TMEM272: variants seen among roughly 807,000 people sequenced by gnomAD.
TMEM272 encodes long intergenic non-protein coding RNA 282.
A neutral mutation model predicts 3.7 loss-of-function variants in TMEM272; 8 were observed. That is an observed-to-expected ratio of 2.17 (90% CI 1.27 to 3.91). The LOEUF (loss-of-function observed/expected upper bound fraction) is 3.91. TMEM272 is among the 30% of genes most tolerant of loss of function. TMEM272 has a pLI of 0.00. For synonymous variants in TMEM272, 63 were observed against 39.8 expected, an observed-to-expected ratio of 1.58 and a Z score of -2.20; for missense variants, 166 against 91.5, an observed-to-expected ratio of 1.81 and a Z score of -3.32.
At chr13:51,847,415 G>C (rs566435263), upstream of TMEM272, among the ~76,000 whole-genome samples, 1 of 152,282 alleles carries the variant, frequency 6.6e-6, no homozygotes, top group South Asian at 2.1e-4. Context: ...ATGATCTGAG[G>C]TTGAACGGTT....
intron 1 of TMEM272, among the ~76,000 whole-genome samples, chr13:51,839,937 A>G: frequency 6.6e-6 from 1 of 152,334 alleles, no homozygotes; most frequent in East Asian, 1.9e-4. Flanking sequence ...GCTTTATGTC[A>G]ACAGGACCTT....
At chr13:51,905,434 G>A in the TMEM272 span, among the ~76,000 whole-genome samples, 1 of 152,202 alleles carries the variant, frequency 6.6e-6, no homozygotes, top group Non-Finnish European at 1.5e-5. Context: ...CTCTCATTTG[G>A]AGAGCACCTT....
chr13:51,865,281 G>A, the TMEM272 span: 28 of 960,982 alleles, frequency 2.9e-5, 1 homozygote, highest in South Asian at 1.7e-4. Flanking sequence ...ACCAAGGGCC[G>A]TCCCCTGGCA....
chr13:51,933,053 A>G, the TMEM272 span: 1 of 152,354 alleles, frequency 6.6e-6, no homozygotes, highest in South Asian at 2.1e-4. Flanking sequence ...AACTATATGT[A>G]AAAAGTGAAA....
At chr13:51,926,787 A>G in the TMEM272 span, among the ~76,000 whole-genome samples, 1 of 152,220 alleles carries the variant, frequency 6.6e-6, no homozygotes, top group East Asian at 1.9e-4. Flanking sequence ...CAGTGATAGC[A>G]TAAGTAACAT....
rs977506165 is a variant in TMEM272 at position 51,816,964 on chromosome 13, G to C, written c.351C>G (p.Leu117=). 3 of 702,974 alleles carry C rather than the reference G, an allele frequency of 4.3e-6. No homozygotes were observed. The highest frequency in any genetic ancestry group is 3.5e-5 in the African/African-American group (2 of 57,272). 43.5% of individuals were successfully genotyped at this position (702,974 alleles called of 1,614,324 possible). A position where few individuals can be genotyped will look rare whatever the true frequency, so the allele number is the denominator to read the frequency against. The change falls in exon 5 of 5, where the codon CTC becomes CTG. Residue 117 remains leucine (L), a synonymous_variant. Coordinates refer to ENST00000629372, the MANE Select transcript of TMEM272 (RefSeq NM_001351003.2). ...CCCAGTAGTTTCCCAGGATGAACCAGAGGAAGAGGAAGAGGCTCAGCAGGA... is the reference window on the plus strand; with the variant it reads ...CCCAGTAGTTTCCCAGGATGAACCACAGGAAGAGGAAGAGGCTCAGCAGGA... The part of the protein sequence containing the change: ...IHLLLSLFLF[L]WFILGNYWVF...
chr13:51,818,100 A>G (rs552900500), intron 4 of TMEM272, among the ~76,000 whole-genome samples: 16 of 152,226 alleles, frequency 1.1e-4, no homozygotes, highest in Non-Finnish European at 1.5e-4. Context: ...TAGGCTACCC[A>G]TCTCTCCCGA....
At chr13:51,866,123 G>A in the TMEM272 span, 1 of 1,484,280 alleles carries the variant, frequency 6.7e-7, no homozygotes, top group Non-Finnish European at 9.0e-7. Flanking sequence ...ACTCCCCTGG[G>A]TTGGGATTCA....
At chr13:51,893,428 T>A in the TMEM272 span, among the ~76,000 whole-genome samples, 1 of 152,194 alleles carries the variant, frequency 6.6e-6, no homozygotes, top group African/African-American at 2.4e-5. Flanking sequence ...TGCACCCTAA[T>A]CTCAGATCCC....
At chr13:51,864,745 C>T in the TMEM272 span, among the ~76,000 whole-genome samples, 1 of 152,186 alleles carries the variant, frequency 6.6e-6, no homozygotes, top group Non-Finnish European at 1.5e-5. Flanking sequence ...TGGTGTCTTT[C>T]TTATTGTTCC....
the TMEM272 span, among the ~76,000 whole-genome samples, chr13:51,900,647 G>A: frequency 1.2e-3 from 187 of 152,054 alleles, 1 homozygote; most frequent in African/African-American, 4.2e-3. Context: ...TCCACACAAA[G>A]ACTTGTATGC....
chr13:51,820,496 G>A (rs1437251288), intron 4 of TMEM272, among the ~76,000 whole-genome samples: 1 of 152,180 alleles, frequency 6.6e-6, no homozygotes, highest in Non-Finnish European at 1.5e-5. Flanking sequence ...AAAAATCAAT[G>A]CTGCTTATTA....
chr13:51,861,431 A>G, the TMEM272 span, among the ~76,000 whole-genome samples: 1 of 152,322 alleles, frequency 6.6e-6, no homozygotes, highest in East Asian at 1.9e-4. Flanking sequence ...AAATTTTACT[A>G]CATGACAAAA....
the TMEM272 span, among the ~76,000 whole-genome samples, chr13:51,857,149 A>G: frequency 6.6e-6 from 1 of 152,152 alleles, no homozygotes; most frequent in Non-Finnish European, 1.5e-5. Context: ...ATTCTCTATA[A>G]TGTAAAGAAC....
chr13:51,895,200 G>A, the TMEM272 span, among the ~76,000 whole-genome samples: 1 of 152,170 alleles, frequency 6.6e-6, no homozygotes, highest in African/African-American at 2.4e-5. Flanking sequence ...AGGGGCTGGG[G>A]ACCCCTGACT....
the TMEM272 span, among the ~76,000 whole-genome samples, chr13:51,926,110 GTGTGTGTGGTGTA>G: frequency 6.5e-4 from 99 of 151,690 alleles, no homozygotes; most frequent in African/African-American, 2.3e-3. Context: ...TGTGTGGTGT[GTGTGTGTGGTGTA>G]TGTGTCTATG....
chr13:51,906,028 C>T, the TMEM272 span, among the ~76,000 whole-genome samples: 1 of 152,174 alleles, frequency 6.6e-6, no homozygotes, highest in African/African-American at 2.4e-5. Context: ...ACTTGGGGCT[C>T]GGGCTCTGGG....
the TMEM272 span, chr13:51,910,583 C>T: frequency 1.5e-6 from 1 of 662,874 alleles, no homozygotes; most frequent in South Asian, 1.4e-5. Flanking sequence ...GCAGGACCAG[C>T]CCCAAGTACA....
the TMEM272 span, among the ~76,000 whole-genome samples, chr13:51,902,991 G>C: frequency 6.6e-6 from 1 of 152,226 alleles, no homozygotes; most frequent in Non-Finnish European, 1.5e-5. Flanking sequence ...GCTGGGAGAT[G>C]AGTGCATCCG....
Sources: allele counts gnomAD v4.1 joint callset (sites outside exome capture counted in the v4.1 genomes callset), GRCh38; gene constraint gnomAD v4.1.1; transcripts MANE v1.5; gene names NCBI Gene and HGNC (gene_info 2026-07-23, HGNC 2026-07-21).